Variants in FANK1 observed in about 807,000 individuals in gnomAD.
The protein encoded by FANK1 is fibronectin type III and ankyrin repeat domains 1.
Under a neutral mutation model 45.3 loss-of-function variants are expected in FANK1, and 44 were observed. That is an observed-to-expected ratio of 0.97 (90% CI 0.76 to 1.25). FANK1 has a LOEUF of 1.25. FANK1 is among the 50% of genes most tolerant of loss of function. The pLI, the probability that FANK1 is intolerant of heterozygous loss-of-function variation, is 0.00. For missense variants in FANK1, 391 were observed against 424.4 expected (o/e 0.92, Z 0.69); for synonymous variants, 149 against 152.5 (o/e 0.98, Z 0.17).
chr10:125,931,010 T>C (rs1947717633), intron 1 of FANK1, among the ~76,000 whole-genome samples: 1 of 152,206 alleles, frequency 6.6e-6, no homozygotes, highest in African/African-American at 2.4e-5. Flanking sequence ...AATAATAGTC[T>C]CCAATCTCAT....
chr10:125,996,555 T>A lies in FANK1; in HGVS notation c.404T>A (p.Val135Asp). 6.2e-7 allele frequency: 1 copy of A among 1,614,156 alleles called. No individual in the cohort carries two copies. Among genetic ancestry groups the A allele is most frequent in the Non-Finnish European group, 8.5e-7 (1 of 1,180,018 alleles). Residue 135 changes from valine (V) to aspartate (D), a missense_variant, in exon 5 of 11, where the codon GTT (valine) becomes GAT (aspartate). Coordinates refer to ENST00000368693, the MANE Select transcript of FANK1 (RefSeq NM_145235.5). ...LLVRILQGGRVKVDVPNKFGF... is the reference protein window; with the variant it reads ...LLVRILQGGRDKVDVPNKFGF... Reference sequence around the variant, plus strand: ...TTTTCTCTGCTTTTCCCAAGCCGTGTTAAGGTTGATGTTCCCAATAAGTTT... The same window carrying A: ...TTTTCTCTGCTTTTCCCAAGCCGTGATAAGGTTGATGTTCCCAATAAGTTT...
intron 1 of FANK1, chr10:125,960,224 T>C: frequency 3.5e-6 from 1 of 285,882 alleles, no homozygotes; most frequent in Non-Finnish European, 6.9e-6. Context: ...GGATCTGGAC[T>C]CCAGGAGGGG....
At chr10:126,007,778 G>C (rs1039762431) in intron 7 of FANK1, among the ~76,000 whole-genome samples, 1 of 152,182 alleles carries the variant, frequency 6.6e-6, no homozygotes, top group African/African-American at 2.4e-5. Flanking sequence ...GTCTTCATTG[G>C]AATTGGAAGC....
chr10:125,997,707 C>T (rs1262158286), intron 6 of FANK1, among the ~76,000 whole-genome samples: 5 of 152,194 alleles, frequency 3.3e-5, no homozygotes, highest in Admixed American at 2.0e-4. Flanking sequence ...TCTGTTGTAA[C>T]GTATGGTGAC....
At chr10:125,909,400 G>GT (rs139701540) in intron 1 of FANK1, among the ~76,000 whole-genome samples, 39 of 148,686 alleles carry the variant, frequency 2.6e-4, no homozygotes, top group Middle Eastern at 3.4e-3. Context: ...TTATGTCTTT[G>GT]TTTTTTTTTC....
At chr10:125,975,940 G>A (rs550826577) in intron 1 of FANK1, among the ~76,000 whole-genome samples, 1 of 152,138 alleles carries the variant, frequency 6.6e-6, no homozygotes, top group African/African-American at 2.4e-5. Flanking sequence ...GTGTGTTTAA[G>A]TGTATTTTTG....
intron 1 of FANK1, among the ~76,000 whole-genome samples, chr10:125,942,101 A>G (rs1948488083): frequency 6.6e-6 from 1 of 152,188 alleles, no homozygotes; most frequent in Non-Finnish European, 1.5e-5. Flanking sequence ...ATGAAGGAAA[A>G]CTAAATAAGA....
chr10:125,937,921 C>T (rs1269628580), intron 1 of FANK1, among the ~76,000 whole-genome samples: 1 of 151,966 alleles, frequency 6.6e-6, no homozygotes, highest in Non-Finnish European at 1.5e-5. Context: ...AATGTTGTAC[C>T]GATTCAAAAC....
intron 1 of FANK1, among the ~76,000 whole-genome samples, chr10:125,956,247 T>C (rs994067221): frequency 1.3e-5 from 2 of 149,956 alleles, no homozygotes; most frequent in Admixed American, 1.3e-4. Context: ...ACAACCAGGA[T>C]GAGGATTGAA....
At chr10:125,898,638 G>A (rs1481273010) in intron 1 of FANK1, among the ~76,000 whole-genome samples, 2 of 151,066 alleles carry the variant, frequency 1.3e-5, no homozygotes, top group African/African-American at 4.9e-5. Flanking sequence ...GAAAAAACAG[G>A]GTTGGAAGGA....
chr10:125,896,829 A>C (rs1015388596), intron 1 of FANK1, among the ~76,000 whole-genome samples, 174 bp downstream of exon 1: 2 of 152,286 alleles, frequency 1.3e-5, no homozygotes, highest in African/African-American at 4.8e-5. Flanking sequence ...AGGGGGCTAC[A>C]TCCTGCCAAG....
chr10:125,914,306 G>T (rs1342097911), intron 1 of FANK1, among the ~76,000 whole-genome samples: 26 of 96,522 alleles, frequency 2.7e-4, no homozygotes, highest in Non-Finnish European at 4.2e-4. Context: ...AAAAGTCTCA[G>T]TGGTCTTTTT....
chr10:125,904,339 A>T (rs1945302070), intron 1 of FANK1, among the ~76,000 whole-genome samples: 1 of 152,296 alleles, frequency 6.6e-6, no homozygotes, highest in Admixed American at 6.5e-5. Context: ...AATAGAATCC[A>T]TAATTTAAAA....
intron 1 of FANK1, among the ~76,000 whole-genome samples, chr10:125,909,642 C>T (rs1374190303): frequency 6.7e-6 from 1 of 150,154 alleles, no homozygotes; most frequent in African/African-American, 2.4e-5. Context: ...CCTCAGCCTT[C>T]CAAGTAGCTG....
intron 1 of FANK1, chr10:125,907,364 G>C (rs1248186680): frequency 1.6e-5 from 6 of 377,766 alleles, no homozygotes; most frequent in African/African-American, 2.2e-5. Context: ...ACAACAACAA[G>C]TATTTATTAT....
chr10:125,968,198 T>G (rs755503863), intron 1 of FANK1, among the ~76,000 whole-genome samples: 5 of 152,112 alleles, frequency 3.3e-5, no homozygotes, highest in Non-Finnish European at 7.4e-5. Context: ...CCTCATGTGA[T>G]CCTCTCACCT....
intron 1 of FANK1, among the ~76,000 whole-genome samples, chr10:125,903,342 C>T (rs78040458): frequency 3.9e-5 from 6 of 152,206 alleles, no homozygotes; most frequent in Admixed American, 2.6e-4. Context: ...TCTGTGCTCA[C>T]AGGGCTGGGG....
At chr10:125,914,135 C>T (rs1162534176) in intron 1 of FANK1, among the ~76,000 whole-genome samples, 6 of 152,058 alleles carry the variant, frequency 3.9e-5, no homozygotes, top group East Asian at 1.9e-4. Context: ...AAACCCTGCC[C>T]GCCTCCCAGA....
chr10:125,936,740 C>T (rs1948124225), intron 1 of FANK1, among the ~76,000 whole-genome samples: 1 of 152,052 alleles, frequency 6.6e-6, no homozygotes, highest in Non-Finnish European at 1.5e-5. Flanking sequence ...TATTGATAAA[C>T]ATTTGTATAG....
Sources: allele counts gnomAD v4.1 joint callset (sites outside exome capture counted in the v4.1 genomes callset), GRCh38; gene constraint gnomAD v4.1.1; transcripts MANE v1.5; gene names NCBI Gene and HGNC (gene_info 2026-07-23, HGNC 2026-07-21).